Variants in SH3RF3 observed in about 807,000 individuals in gnomAD.
The protein encoded by SH3RF3 is SH3 domain containing ring finger 3.
SH3RF3 carries 29 observed loss-of-function variants against 66.3 expected under a neutral mutation model. The ratio of observed to expected loss-of-function variants is 0.44; its 90% CI spans 0.33 to 0.60. SH3RF3 has a LOEUF of 0.60. SH3RF3 is among the 20% of genes least tolerant of loss of function. SH3RF3 has a pLI of 0.04. For synonymous variants in SH3RF3, 583 were observed against 532.0 expected, an observed-to-expected ratio of 1.10 and a Z score of -1.32; for missense variants, 1,194 against 1,190.9, an observed-to-expected ratio of 1.00 and a Z score of -0.04.
chr2:109,471,782 G>A (rs1475291071), intron 8 of SH3RF3, among the ~76,000 whole-genome samples: 1 of 152,190 alleles, frequency 6.6e-6, no homozygotes, highest in Non-Finnish European at 1.5e-5. Context: ...ATAGACTAAT[G>A]CACAGTCCTG....
At chr2:109,291,417 C>A (rs910473011) in intron 1 of SH3RF3, among the ~76,000 whole-genome samples, 1 of 151,946 alleles carries the variant, frequency 6.6e-6, no homozygotes, top group Non-Finnish European at 1.5e-5. Context: ...CATCTCAGTT[C>A]CTGCAATCTC....
chr2:109,295,148 C>T (rs895022959), intron 1 of SH3RF3, among the ~76,000 whole-genome samples: 9 of 152,244 alleles, frequency 5.9e-5, no homozygotes, highest in Admixed American at 1.3e-4. Context: ...ACGGAGCACC[C>T]ACGCCTGGCC....
intron 8 of SH3RF3, among the ~76,000 whole-genome samples, chr2:109,471,206 CAA>C (rs61224177): frequency 1.5e-4 from 6 of 40,158 alleles, no homozygotes; most frequent in African/African-American, 3.8e-4. Flanking sequence ...GACTCTGTCT[CAA>C]AAAAAAAAAA....
chr2:109,397,250 C>T (rs1676172172), intron 3 of SH3RF3, among the ~76,000 whole-genome samples: 1 of 152,150 alleles, frequency 6.6e-6, no homozygotes, highest in South Asian at 2.1e-4. Context: ...GCTCTGTGCT[C>T]CTCCAGGGAG....
chr2:109,247,474 T>G (rs1679944899), intron 1 of SH3RF3, among the ~76,000 whole-genome samples: 1 of 152,210 alleles, frequency 6.6e-6, no homozygotes. Context: ...TTCCTGGAAG[T>G]TTTTGTGCAA....
At chr2:109,185,133 G>A (rs1678156637) in intron 1 of SH3RF3, among the ~76,000 whole-genome samples, 1 of 152,190 alleles carries the variant, frequency 6.6e-6, no homozygotes, top group Non-Finnish European at 1.5e-5. Flanking sequence ...TTTGTAGACA[G>A]TTTGGATTGC....
intron 8 of SH3RF3, among the ~76,000 whole-genome samples, chr2:109,488,925 C>T (rs374860373): frequency 1.1e-4 from 16 of 152,180 alleles, no homozygotes; most frequent in African/African-American, 1.4e-4. Flanking sequence ...TCTGGATCCC[C>T]GTGCTGCATG....
At chr2:109,428,799 G>A (rs1011258938) in intron 5 of SH3RF3, among the ~76,000 whole-genome samples, 4 of 152,200 alleles carry the variant, frequency 2.6e-5, no homozygotes, top group African/African-American at 7.2e-5. Flanking sequence ...TGAGCACTCC[G>A]CAGGGCCTGT....
At chr2:109,263,459 A>G (rs1401268234) in intron 1 of SH3RF3, among the ~76,000 whole-genome samples, 1 of 152,238 alleles carries the variant, frequency 6.6e-6, no homozygotes, top group East Asian at 1.9e-4. Flanking sequence ...GTAATGAAAT[A>G]GTAGCTAGAA....
intron 9 of SH3RF3, among the ~76,000 whole-genome samples, chr2:109,494,763 A>G (rs1679216888): frequency 6.6e-6 from 1 of 152,024 alleles, no homozygotes; most frequent in South Asian, 2.1e-4. Flanking sequence ...CCAAGGAGGA[A>G]TGGGCAGTGT....
At chr2:109,483,870 G>A (rs1225158733) in intron 8 of SH3RF3, among the ~76,000 whole-genome samples, 3 of 151,998 alleles carry the variant, frequency 2.0e-5, no homozygotes, top group African/African-American at 7.2e-5. Context: ...TGCTTAGCTG[G>A]CTTGGCTCCT....
chr2:109,280,478 G>A (rs948166233), intron 1 of SH3RF3, among the ~76,000 whole-genome samples: 5 of 152,230 alleles, frequency 3.3e-5, no homozygotes, highest in South Asian at 2.1e-4. Flanking sequence ...ATCCCTTCTC[G>A]TTCCCGGGTG....
intron 9 of SH3RF3, among the ~76,000 whole-genome samples, chr2:109,494,017 C>T (rs947155479): frequency 7.2e-5 from 11 of 152,268 alleles, no homozygotes; most frequent in African/African-American, 1.9e-4. Context: ...GGTCCTGGCC[C>T]TTGTCTGGAG....
At position 109,129,227 on chromosome 2, in the gene SH3RF3, C is replaced by T. The variant is rs1298009681; in HGVS notation, c.-314C>T. On this transcript the variant is annotated 5_prime_UTR_variant, in exon 1 of 10. Coordinates refer to ENST00000309415, the MANE Select transcript of SH3RF3 (RefSeq NM_001099289.3). ...AGCACAGAACCCGTTGAGCTTCGTG[C>T]CCGGCAGCACCCCCGGTCCCCCGCG... 2 of 547,376 alleles carry T rather than the reference C, an allele frequency of 3.7e-6. No homozygotes were observed. Among genetic ancestry groups the T allele is most frequent in the Admixed American group, 2.8e-5 (1 of 35,298 alleles). 33.9% of individuals were successfully genotyped at this position (547,376 alleles called of 1,614,324 possible).
chr2:109,453,808 C>T (rs1434020215), intron 8 of SH3RF3, among the ~76,000 whole-genome samples: 1 of 152,182 alleles, frequency 6.6e-6, no homozygotes, highest in Non-Finnish European at 1.5e-5. Flanking sequence ...GGGTCACCGA[C>T]AAAGGCGCCT....
chr2:109,348,066 T>G (rs1283885569), intron 2 of SH3RF3, 117 bp downstream of exon 2: 1 of 1,377,544 alleles, frequency 7.3e-7, no homozygotes, highest in East Asian at 2.5e-5. Context: ...GAATCCTGGC[T>G]CCTCCCGGAA....
At position 109,205,198 on chromosome 2, in the gene SH3RF3, C is replaced by G. The variant is rs140732146; in HGVS notation, c.573+75085C>G. 3.0e-3 allele frequency among the ~76,000 whole-genome samples: 462 copies of G among 151,812 alleles called. 3 individuals are homozygous for G. The highest frequency in any genetic ancestry group is 0.011 in the African/African-American group (440 of 41,372). ...CTCCAGCCTGGGCAGCAGAGTGAAA[C>G]TCCGTCTCTAAAAATAAATAAATAA... On this transcript the variant is annotated intron_variant, in intron 1 of 9. Transcript: ENST00000309415.
chr2:109,150,066 C>G (rs550916219), intron 1 of SH3RF3, among the ~76,000 whole-genome samples: 1 of 152,236 alleles, frequency 6.6e-6, no homozygotes, highest in Non-Finnish European at 1.5e-5. Flanking sequence ...TTCAACGGTC[C>G]CCAGGTGATG....
intron 1 of SH3RF3, among the ~76,000 whole-genome samples, chr2:109,264,890 C>T (rs1343425424): frequency 6.6e-6 from 1 of 152,230 alleles, no homozygotes; most frequent in Non-Finnish European, 1.5e-5. Flanking sequence ...TTATGTTTCC[C>T]AGACATCTCA....
Sources: allele counts gnomAD v4.1 joint callset (sites outside exome capture counted in the v4.1 genomes callset), GRCh38; gene constraint gnomAD v4.1.1; transcripts MANE v1.5; gene names NCBI Gene and HGNC (gene_info 2026-07-23, HGNC 2026-07-21).